SMYD3: variants seen among roughly 807,000 people sequenced by gnomAD.
The protein encoded by SMYD3 is SET and MYND domain containing 3.
Under a neutral mutation model 57.7 loss-of-function variants are expected in SMYD3, and 36 were observed. That is an observed-to-expected ratio of 0.62 (90% CI 0.48 to 0.82). The LOEUF (loss-of-function observed/expected upper bound fraction) is 0.82. SMYD3 is among the 40% of genes least tolerant of loss of function. The probability of loss-of-function intolerance (pLI) is 0.00; values close to 1 mark genes in which losing one functional copy is unlikely to be tolerated. For synonymous variants in SMYD3, 211 were observed against 195.0 expected, an observed-to-expected ratio of 1.08 and a Z score of -0.68; for missense variants, 515 against 538.8, an observed-to-expected ratio of 0.96 and a Z score of 0.44.
chr1:245,978,087 G>A (rs748152916), intron 5 of SMYD3, among the ~76,000 whole-genome samples: 6 of 152,170 alleles, frequency 3.9e-5, no homozygotes, highest in Non-Finnish European at 7.3e-5. Flanking sequence ...CAGCACGCCT[G>A]GCTCTTTGTA....
chr1:246,348,270 G>T (rs1414987877), intron 2 of SMYD3, among the ~76,000 whole-genome samples: 1 of 151,390 alleles, frequency 6.6e-6, no homozygotes, highest in Non-Finnish European at 1.5e-5. Context: ...ACAAAAATTA[G>T]CCAGACATGG....
At chr1:245,957,475 G>A (rs754684244) in intron 5 of SMYD3, among the ~76,000 whole-genome samples, 10 of 152,060 alleles carry the variant, frequency 6.6e-5, no homozygotes, top group African/African-American at 1.4e-4. Flanking sequence ...ACTCTTTAAC[G>A]TCAACGTTTC....
At position 245,898,973 on chromosome 1, in the gene SMYD3, A is replaced by T. The variant is rs1036824139; in HGVS notation, c.813+16557T>A. ...TTTTCCAGAAATTAAGCTGCAGCTGATTACAAATGACAACTGTAAATATGC... is the reference window on the plus strand; with the variant it reads ...TTTTCCAGAAATTAAGCTGCAGCTGTTTACAAATGACAACTGTAAATATGC... On this transcript the variant is annotated intron_variant, in intron 8 of 11. Coordinates refer to ENST00000490107, the MANE Select transcript of SMYD3 (RefSeq NM_001167740.2). 3.9e-5 allele frequency among the ~76,000 whole-genome samples: 6 copies of T among 152,224 alleles called. No homozygotes were observed. In the East Asian group the frequency reaches 1.2e-3, roughly 29 times the overall value.
Position 246,002,668 on chromosome 1 carries a change from G to A in SMYD3, c.532-72731C>T, listed in dbSNP as rs1254743467. 2.7e-5 allele frequency among the ~76,000 whole-genome samples: 4 copies of A among 145,950 alleles called. 1 individual carries two copies. The highest frequency in any genetic ancestry group is 1.0e-4 in the African/African-American group (4 of 39,344). On this transcript the variant is annotated intron_variant, in intron 5 of 11. Coordinates refer to ENST00000490107, the MANE Select transcript of SMYD3 (RefSeq NM_001167740.2). ...GGGGTTTCACCATGTTAGCCAGGATGGTCTCGATCTCCTGACCTCGTGATC... is the reference window on the plus strand; with the variant it reads ...GGGGTTTCACCATGTTAGCCAGGATAGTCTCGATCTCCTGACCTCGTGATC...
At chr1:246,233,170 G>A (rs1182000617) in intron 5 of SMYD3, among the ~76,000 whole-genome samples, 8 of 124,926 alleles carry the variant, frequency 6.4e-5, no homozygotes, top group African/African-American at 2.0e-4. Context: ...ACACTGTGAT[G>A]AACATATACC....
intron 5 of SMYD3, among the ~76,000 whole-genome samples, chr1:245,931,103 G>A (rs1321177363): frequency 2.6e-5 from 4 of 152,164 alleles, no homozygotes; most frequent in Admixed American, 6.5e-5. Flanking sequence ...GATCACTTAC[G>A]GCCCTACTGC....
intron 5 of SMYD3, among the ~76,000 whole-genome samples, chr1:246,279,203 G>A (rs2064394218): frequency 2.6e-5 from 4 of 152,124 alleles, no homozygotes; most frequent in Non-Finnish European, 5.9e-5. Context: ...CAATCCCAAA[G>A]AGCCACTTAA....
At position 246,016,237 on chromosome 1, in the gene SMYD3, T is replaced by TA. The variant is rs539956616; in HGVS notation, c.532-86301dup. 0.022 allele frequency among the ~76,000 whole-genome samples: 2,961 copies of TA among 132,388 alleles called. 167 individuals carry two copies. In the East Asian group the frequency reaches 0.25, roughly 11 times the overall value. The allele number at this position is 132,388 out of a possible 152,430, so 86.9% of individuals were successfully genotyped here. A position where few individuals can be genotyped will look rare whatever the true frequency, so the allele number is the denominator to read the frequency against. ...GGCCACACAGTGAAACCCCATCACT[T>TA]AAAAAAAAAAAAAAAATAGAATAGT... is the stretch of plus-strand genomic sequence containing the variant. On this transcript the variant is annotated intron_variant, in intron 5 of 11. Coordinates refer to ENST00000490107, the MANE Select transcript of SMYD3 (RefSeq NM_001167740.2).
chr1:246,273,135 C>CTTTTTTTTTTTTTTTTTTTTT lies in SMYD3; in HGVS notation c.531+54065_531+54066insAAAAAAAAAAAAAAAAAAAAA, dbSNP rs71299006. Among the ~76,000 whole-genome samples the CTTTTTTTTTTTTTTTTTTTTT allele has an allele frequency of 4.6e-5, 5 of 107,608 alleles. 2 individuals carry two copies. The highest frequency in any genetic ancestry group is 1.5e-4 in the African/African-American group (4 of 27,362). 70.6% of individuals were successfully genotyped at this position (107,608 alleles called of 152,430 possible). ...TGATTCATAATAATGTCCCTGTTTT[C>CTTTTTTTTTTTTTTTTTTTTT]TTTTTTTTTTTTTTTTTCTTTTTTT... On this transcript the variant is annotated intron_variant, in intron 5 of 11. Transcript: ENST00000490107.
chr1:246,071,204 CTTAT>C (rs2060436006), intron 5 of SMYD3, among the ~76,000 whole-genome samples: 1 of 152,036 alleles, frequency 6.6e-6, no homozygotes, highest in Non-Finnish European at 1.5e-5. Context: ...TATGGTGCTG[CTTAT>C]CAAAACAACA....
chr1:245,821,258 C>A (rs57625573), intron 10 of SMYD3, among the ~76,000 whole-genome samples: 13,584 of 114,530 alleles, frequency 0.12, 2,094 homozygotes, highest in African/African-American at 0.36. Context: ...CTACAACTAT[C>A]TGATCTTTGA....
chr1:246,044,085 C>T (rs4384193), intron 5 of SMYD3, among the ~76,000 whole-genome samples: 79,152 of 152,024 alleles, frequency 0.52, 23,422 homozygotes, highest in East Asian at 0.96. Flanking sequence ...ATTTTTAAAA[C>T]GGAGAGAGAT....
intron 5 of SMYD3, among the ~76,000 whole-genome samples, chr1:246,121,378 T>G (rs1480268241): frequency 2.0e-5 from 3 of 151,668 alleles, no homozygotes; most frequent in Non-Finnish European, 4.4e-5. Context: ...TAGGGTTATT[T>G]CTTTTTCTTT....
chr1:245,951,437 T>C (rs578244070), intron 5 of SMYD3, among the ~76,000 whole-genome samples: 5 of 137,056 alleles, frequency 3.6e-5, no homozygotes, highest in Admixed American at 7.0e-5. Context: ...GGCGAGGTGG[T>C]GCACGCCTGT....
At chr1:246,065,752 T>A (rs148705850) in intron 5 of SMYD3, among the ~76,000 whole-genome samples, 55 of 152,310 alleles carry the variant, frequency 3.6e-4, no homozygotes, top group African/African-American at 1.3e-3. Context: ...ATTCCTTCCT[T>A]CTACCCCTAC....
chr1:246,079,012 ATTCT>A (rs1245070803), intron 5 of SMYD3, among the ~76,000 whole-genome samples: 7 of 151,668 alleles, frequency 4.6e-5, no homozygotes, highest in African/African-American at 1.7e-4. Context: ...TTCTCTCATC[ATTCT>A]TTTTTTTTTT....
chr1:246,384,451 A>C (rs2066437737), intron 1 of SMYD3, among the ~76,000 whole-genome samples: 1 of 151,982 alleles, frequency 6.6e-6, no homozygotes, highest in African/African-American at 2.4e-5. Context: ...GCTAGAGTGC[A>C]GTGGTGCCAT....
intron 3 of SMYD3, among the ~76,000 whole-genome samples, chr1:246,331,073 T>C (rs549344904): frequency 6.6e-6 from 1 of 152,246 alleles, no homozygotes; most frequent in Non-Finnish European, 1.5e-5. Flanking sequence ...AGTTCAAGCT[T>C]GCAATGAGCT....
intron 5 of SMYD3, among the ~76,000 whole-genome samples, chr1:245,964,728 A>G (rs561822289): frequency 5.8e-4 from 89 of 152,272 alleles, no homozygotes; most frequent in African/African-American, 2.1e-3. Context: ...ACAACTGAGG[A>G]AAAATCTCAG....
Sources: allele counts gnomAD v4.1 joint callset (sites outside exome capture counted in the v4.1 genomes callset), GRCh38; gene constraint gnomAD v4.1.1; transcripts MANE v1.5; gene names NCBI Gene and HGNC (gene_info 2026-07-23, HGNC 2026-07-21).